VCF1: variants seen among roughly 807,000 people sequenced by gnomAD.
VCF1 encodes VCP nuclear cofactor family member 1.
the VCF1 span, among the ~76,000 whole-genome samples, chr17:73,218,655 T>C: frequency 6.6e-6 from 1 of 150,866 alleles, no homozygotes; most frequent in Non-Finnish European, 1.5e-5. Context: ...GAGGCTGAGG[T>C]GGGCAGATCA....
At chr17:73,218,473 A>G in the VCF1 span, among the ~76,000 whole-genome samples, 23 of 65,274 alleles carry the variant, frequency 3.5e-4, 1 homozygote, top group East Asian at 0.013. Context: ...CTGTATTATT[A>G]GTATCACTTT....
At chr17:73,212,639 A>G in the VCF1 span, 5 of 1,542,256 alleles carry the variant, frequency 3.2e-6, no homozygotes, top group South Asian at 1.2e-5. Flanking sequence ...AATCATGAAT[A>G]TTTAACAAAC....
chr17:73,214,226 C>G, the VCF1 span, among the ~76,000 whole-genome samples: 1 of 151,130 alleles, frequency 6.6e-6, no homozygotes, highest in Non-Finnish European at 1.5e-5. Flanking sequence ...ACTGTGGAGG[C>G]TTAGGGAGTG....
the VCF1 span, among the ~76,000 whole-genome samples, chr17:73,224,901 A>G: frequency 6.8e-6 from 1 of 147,860 alleles, no homozygotes; most frequent in Non-Finnish European, 1.5e-5. Flanking sequence ...ACAGGACAGG[A>G]CAGGACAGGA....
chr17:73,227,904 C>T, the VCF1 span, among the ~76,000 whole-genome samples: 139,293 of 152,284 alleles, frequency 0.91, 64,385 homozygotes, highest in Non-Finnish European at 0.99. Flanking sequence ...ACCAAATTTG[C>T]ATGTACTCTA....
chr17:73,218,842 A>T, the VCF1 span, among the ~76,000 whole-genome samples: 1 of 152,062 alleles, frequency 6.6e-6, no homozygotes, highest in East Asian at 1.9e-4. Flanking sequence ...ACACGGTGAA[A>T]CCCCGTCTCT....
At chr17:73,216,535 G>A in the VCF1 span, among the ~76,000 whole-genome samples, 1 of 152,146 alleles carries the variant, frequency 6.6e-6, no homozygotes, top group Non-Finnish European at 1.5e-5. Flanking sequence ...AGGCAGAGAG[G>A]AGGTGAGTGG....
the VCF1 span, chr17:73,207,406 C>G: frequency 3.8e-6 from 3 of 796,332 alleles, no homozygotes; most frequent in Admixed American, 6.0e-5. Flanking sequence ...TAGAGAAGTA[C>G]AAGGTTTTAC....
the VCF1 span, among the ~76,000 whole-genome samples, chr17:73,231,508 G>C: frequency 1.3e-5 from 2 of 152,116 alleles, no homozygotes; most frequent in African/African-American, 2.4e-5. Flanking sequence ...AATCCAAACA[G>C]TTTAGAATCC....
the VCF1 span, among the ~76,000 whole-genome samples, chr17:73,211,775 G>T: frequency 6.6e-6 from 1 of 151,904 alleles, no homozygotes; most frequent in Non-Finnish European, 1.5e-5. Flanking sequence ...CAAGAGAATC[G>T]CTTGAACCCG....
At chr17:73,216,900 T>C in the VCF1 span, among the ~76,000 whole-genome samples, 2 of 152,080 alleles carry the variant, frequency 1.3e-5, no homozygotes, top group Non-Finnish European at 2.9e-5. Flanking sequence ...ACTAAACAAC[T>C]CCAAACACCA....
the VCF1 span, among the ~76,000 whole-genome samples, chr17:73,224,350 T>C: frequency 1.6e-4 from 24 of 150,478 alleles, no homozygotes; most frequent in African/African-American, 5.4e-4. Flanking sequence ...GAGGCTGATG[T>C]AGGAGTATTG....
chr17:73,208,437 A>G, the VCF1 span: 26 of 1,614,058 alleles, frequency 1.6e-5, no homozygotes, highest in African/African-American at 4.0e-5. Context: ...CTGGCTCTCT[A>G]GTATGACTAA....
chr17:73,208,910 A>C, the VCF1 span: 12 of 288,484 alleles, frequency 4.2e-5, no homozygotes, highest in Non-Finnish European at 6.7e-5. Context: ...GGAAATACAA[A>C]TATATAACAA....
the VCF1 span, among the ~76,000 whole-genome samples, chr17:73,226,177 A>G: frequency 6.6e-6 from 1 of 152,130 alleles, no homozygotes; most frequent in East Asian, 1.9e-4. Flanking sequence ...CTGGGATTAT[A>G]GGGATGAGCC....
chr17:73,210,436 T>G, the VCF1 span, among the ~76,000 whole-genome samples: 1 of 151,944 alleles, frequency 6.6e-6, no homozygotes, highest in African/African-American at 2.4e-5. Flanking sequence ...TTTAGTCATC[T>G]TGGAGAGGCT....
At chr17:73,221,668 T>C in the VCF1 span, among the ~76,000 whole-genome samples, 4 of 152,090 alleles carry the variant, frequency 2.6e-5, no homozygotes, top group African/African-American at 9.7e-5. Context: ...GTGGAAGGAT[T>C]GCTTGAGCCC....
At chr17:73,232,301 C>A in the VCF1 span, 1 of 1,579,614 alleles carries the variant, frequency 6.3e-7, no homozygotes, top group East Asian at 2.3e-5. Flanking sequence ...CTCCGCGCCC[C>A]CCCATGTCGC....
the VCF1 span, among the ~76,000 whole-genome samples, chr17:73,211,567 C>CAAAA: frequency 4.3e-4 from 57 of 132,114 alleles, no homozygotes; most frequent in Non-Finnish European, 7.8e-4. Context: ...GACTTCATCT[C>CAAAA]AAAAAAAAAA....
Sources: allele counts gnomAD v4.1 joint callset (sites outside exome capture counted in the v4.1 genomes callset), GRCh38; gene constraint gnomAD v4.1.1; transcripts MANE v1.5; gene names NCBI Gene and HGNC (gene_info 2026-07-23, HGNC 2026-07-21).